The following NKAIN2 variants were observed in gnomAD, a reference collection of about 807,000 sequenced individuals.
NKAIN2 encodes sodium/potassium-transporting ATPase subunit beta-1-interacting protein 2.
Under a neutral mutation model 32.6 loss-of-function variants are expected in NKAIN2, and 14 were observed. The observed-to-expected ratio is 0.43, with a 90% confidence interval of 0.28 to 0.67. The LOEUF (loss-of-function observed/expected upper bound fraction) is 0.67, where lower values mean the gene tolerates loss of function less well. Ranked by LOEUF, NKAIN2 falls within the 30% of genes least tolerant of loss-of-function variation. The probability of loss-of-function intolerance (pLI) is 0.17; values close to 1 mark genes in which losing one functional copy is unlikely to be tolerated. For missense variants in NKAIN2, 198 were observed against 258.3 expected (o/e 0.77, Z 1.60); for synonymous variants, 80 against 87.2 (o/e 0.92, Z 0.46).
intron 3 of NKAIN2, among the ~76,000 whole-genome samples, chr6:124,452,991 G>C (rs902365393): frequency 6.6e-6 from 1 of 151,998 alleles, no homozygotes; most frequent in African/African-American, 2.4e-5. Flanking sequence ...AAAGCACATA[G>C]TTTATCACAA....
intron 3 of NKAIN2, among the ~76,000 whole-genome samples, chr6:124,589,427 C>A (rs1254622748): frequency 2.6e-5 from 4 of 152,112 alleles, no homozygotes; most frequent in Non-Finnish European, 5.9e-5. Flanking sequence ...ACACTTTGAA[C>A]ACAATATAAA....
intron 4 of NKAIN2, among the ~76,000 whole-genome samples, chr6:124,767,366 A>T (rs568019418): frequency 6.6e-6 from 1 of 152,142 alleles, no homozygotes; most frequent in South Asian, 2.1e-4. Flanking sequence ...GGTAACCATA[A>T]ATTTGTAGAG....
At chr6:124,201,508 G>A (rs1330731266) in intron 1 of NKAIN2, among the ~76,000 whole-genome samples, 1 of 151,886 alleles carries the variant, frequency 6.6e-6, no homozygotes, top group Non-Finnish European at 1.5e-5. Context: ...AGTTATGTTT[G>A]GAAATGGATT....
At chr6:124,531,429 A>G (rs541841191) in intron 3 of NKAIN2, among the ~76,000 whole-genome samples, 1 of 152,308 alleles carries the variant, frequency 6.6e-6, no homozygotes, top group South Asian at 2.1e-4. Flanking sequence ...ATTTTAATGT[A>G]CTATTTAATT....
chr6:124,411,357 G>A (rs1774171401), intron 3 of NKAIN2, among the ~76,000 whole-genome samples: 1 of 152,078 alleles, frequency 6.6e-6, no homozygotes, highest in Non-Finnish European at 1.5e-5. Context: ...TCCTTCAGGA[G>A]CTCTTTTAGG....
chr6:124,328,299 C>A (rs536458820), intron 2 of NKAIN2, among the ~76,000 whole-genome samples: 1 of 152,124 alleles, frequency 6.6e-6, no homozygotes, highest in South Asian at 2.1e-4. Context: ...GTTTATTTTA[C>A]AAATAGAGTA....
chr6:124,044,020 G>A (rs74983605), intron 1 of NKAIN2, among the ~76,000 whole-genome samples: 9 of 151,996 alleles, frequency 5.9e-5, no homozygotes, highest in African/African-American at 2.2e-4. Context: ...TGACTTAGGC[G>A]AGTGAGCAGG....
At chr6:124,491,135 G>T (rs1777847358) in intron 3 of NKAIN2, among the ~76,000 whole-genome samples, 1 of 151,614 alleles carries the variant, frequency 6.6e-6, no homozygotes, top group Non-Finnish European at 1.5e-5. Flanking sequence ...TATATGCCAA[G>T]CACTTGCTAA....
intron 1 of NKAIN2, among the ~76,000 whole-genome samples, chr6:124,078,386 A>G (rs976001279): frequency 2.0e-5 from 3 of 152,018 alleles, no homozygotes; most frequent in African/African-American, 7.3e-5. Flanking sequence ...ACTTTGTACT[A>G]GGCACTGCTG....
chr6:124,323,881 G>A (rs1033727107), intron 2 of NKAIN2, among the ~76,000 whole-genome samples: 1 of 149,088 alleles, frequency 6.7e-6, no homozygotes, highest in African/African-American at 2.5e-5. Context: ...TCCACCTCCT[G>A]GGTACATGCC....
At chr6:124,384,029 G>A (rs970373871) in intron 3 of NKAIN2, among the ~76,000 whole-genome samples, 1 of 152,158 alleles carries the variant, frequency 6.6e-6, no homozygotes, top group Admixed American at 6.5e-5. Flanking sequence ...GGCTCATATA[G>A]TGTAAGTATT....
intron 1 of NKAIN2, among the ~76,000 whole-genome samples, chr6:124,202,922 G>A (rs980385530): frequency 2.6e-5 from 4 of 151,856 alleles, no homozygotes; most frequent in Non-Finnish European, 5.9e-5. Flanking sequence ...GAGGCATAAA[G>A]TTGTAATATT....
At position 124,253,512 on chromosome 6, in the gene NKAIN2, G is replaced by A. The variant is rs536756461; in HGVS notation, c.55-29493G>A. On this transcript the variant is annotated intron_variant, in intron 1 of 6. Coordinates refer to ENST00000368417, the MANE Select transcript of NKAIN2 (RefSeq NM_001040214.3). Reference sequence around the variant, plus strand: ...CTCTGCCAAAATAAAGCACATCTAGGGCAATTTGTTAGTGTGGAGGCTGCT... The same window carrying A: ...CTCTGCCAAAATAAAGCACATCTAGAGCAATTTGTTAGTGTGGAGGCTGCT... Among the ~76,000 whole-genome samples, 12 of 152,182 alleles carry A rather than the reference G, an allele frequency of 7.9e-5. No homozygotes were observed. The South Asian group carries it at 1.2e-3, about 16-fold the overall frequency.
chr6:123,838,959 C>T (rs963996562), intron 1 of NKAIN2, among the ~76,000 whole-genome samples: 2 of 152,204 alleles, frequency 1.3e-5, no homozygotes, highest in Non-Finnish European at 2.9e-5. Context: ...CTCTCTCTCA[C>T]AATTTAACCT....
chr6:124,735,967 T>G (rs1776917571), intron 4 of NKAIN2, among the ~76,000 whole-genome samples: 1 of 151,854 alleles, frequency 6.6e-6, no homozygotes, highest in Non-Finnish European at 1.5e-5. Context: ...GTCTCTCGCT[T>G]TAAATCAAAA....
intron 1 of NKAIN2, among the ~76,000 whole-genome samples, chr6:124,230,868 T>C (rs1339606831): frequency 6.6e-6 from 1 of 152,166 alleles, no homozygotes; most frequent in Admixed American, 6.5e-5. Flanking sequence ...AATGTAAGGT[T>C]GGAGACCCCA....
chr6:124,155,194 G>A (rs1787921450), intron 1 of NKAIN2, among the ~76,000 whole-genome samples: 1 of 152,032 alleles, frequency 6.6e-6, no homozygotes, highest in Non-Finnish European at 1.5e-5. Flanking sequence ...TAAAAATGTT[G>A]TTAAAAGATA....
At chr6:124,503,070 T>C (rs536639011) in intron 3 of NKAIN2, among the ~76,000 whole-genome samples, 77 of 152,318 alleles carry the variant, frequency 5.1e-4, no homozygotes, top group African/African-American at 1.6e-3. Context: ...GTTTAATCTT[T>C]GTATCCAAGA....
intron 4 of NKAIN2, among the ~76,000 whole-genome samples, chr6:124,697,701 A>C (rs1419383460): frequency 1.3e-5 from 2 of 152,182 alleles, no homozygotes; most frequent in Non-Finnish European, 2.9e-5. Context: ...TCTGTTTCAA[A>C]TGCTACATTT....
Sources: allele counts gnomAD v4.1 joint callset (sites outside exome capture counted in the v4.1 genomes callset), GRCh38; gene constraint gnomAD v4.1.1; transcripts MANE v1.5; gene names NCBI Gene and HGNC (gene_info 2026-07-23, HGNC 2026-07-21).